The following CTDSP2 variants were observed in gnomAD, a reference collection of about 807,000 sequenced individuals.
The protein encoded by CTDSP2 is carboxy-terminal domain RNA polymerase II polypeptide A small phosphatase 2.
CTDSP2 carries 9 observed loss-of-function variants against 31.6 expected under a neutral mutation model. That is an observed-to-expected ratio of 0.28 (90% CI 0.17 to 0.50). CTDSP2 has a LOEUF of 0.50. Among genes scored for constraint, CTDSP2 ranks in the 20% least tolerant of loss-of-function variants. CTDSP2 has a pLI of 0.98. For synonymous variants in CTDSP2, 134 were observed against 134.5 expected, an observed-to-expected ratio of 1.00 and a Z score of 0.03; for missense variants, 267 against 348.5, an observed-to-expected ratio of 0.77 and a Z score of 1.86.
chr12:57,825,330 G>A lies in CTDSP2; in HGVS notation c.412-1011C>T, dbSNP rs144506463. The stretch of plus-strand genomic sequence containing the variant: ...ACTTCTGTTAGCCTGCCATTCCTTC[G>A]ACCTCCAACAAGCCCCTTCCTCATC... On this transcript the variant is annotated intron_variant, in intron 5 of 7. Coordinates refer to ENST00000398073, the MANE Select transcript of CTDSP2 (RefSeq NM_005730.4). Among the ~76,000 whole-genome samples the A allele has an allele frequency of 3.3e-3, 505 of 152,180 alleles. 2 individuals carry two copies. The highest frequency in any genetic ancestry group is 5.7e-3 in the Admixed American group (87 of 15,282).
Position 57,844,887 on chromosome 12 carries a change from C to T in CTDSP2, c.64+1485G>A, listed in dbSNP as rs1472786405. ...TCCGGCCAGTGATGCAAGAGGAACA[C>T]ACTGCCTCCCTCCCCCCACCCTTCC... On this transcript the variant is annotated intron_variant, in intron 1 of 7. Transcript: ENST00000398073. 2.6e-5 allele frequency among the ~76,000 whole-genome samples: 4 copies of T among 151,900 alleles called. No individual in the cohort carries two copies. The South Asian group carries it at 6.3e-4, about 24-fold the overall frequency.
At chr12:57,829,258 G>A (rs1043121094) in intron 2 of CTDSP2, among the ~76,000 whole-genome samples, 190 bp downstream of exon 2, 6 of 152,158 alleles carry the variant, frequency 3.9e-5, no homozygotes, top group African/African-American at 1.2e-4. Flanking sequence ...CATGTGAATG[G>A]CCCACACCGC....
intron 1 of CTDSP2, among the ~76,000 whole-genome samples, chr12:57,834,051 T>C (rs1311402463): frequency 6.6e-6 from 1 of 152,230 alleles, no homozygotes; most frequent in Non-Finnish European, 1.5e-5. Flanking sequence ...TGAACTCAGA[T>C]CTGCCTGAAC....
chr12:57,827,427 T>TAAG lies in CTDSP2; in HGVS notation c.252+124_252+125insCTT. The TAAG allele has an allele frequency of 2.9e-6, 3 of 1,045,162 alleles. No homozygotes were observed. In the South Asian group the frequency reaches 4.0e-5, roughly 14 times the overall value. The allele number at this position is 1,045,162 out of a possible 1,614,324, so 64.7% of individuals were successfully genotyped here. ...GCCCTCAACAAGTATGGGGAACAAA[T>TAAG]GGCTTCCCAGGTCAGGGAGGTGGCT... On this transcript the variant is annotated intron_variant, in intron 3 of 7. Transcript: ENST00000398073.
In CTDSP2 at chr12:57,846,412, G is replaced by T; in HGVS notation, c.24C>A (p.Thr8=). MEHGSII[T]QARREDALVL... is the part of the protein sequence containing the mutation. ...CCAGGGCGTCTTCCCTCCGCGCCTG[G>T]GTGATGATGGAGCCGTGTTCCATCT... Residue 8 remains threonine (T), a synonymous_variant, in exon 1 of 8, where the codon ACC becomes ACA. Coordinates refer to ENST00000398073, the MANE Select transcript of CTDSP2 (RefSeq NM_005730.4). 2 of 1,607,778 alleles carry T rather than the reference G, an allele frequency of 1.2e-6. No homozygotes were observed. The highest frequency in any genetic ancestry group is 1.7e-6 in the Non-Finnish European group (2 of 1,177,440).
At position 57,823,975 on chromosome 12, in the gene CTDSP2, C is replaced by T; in HGVS notation, c.619G>A (p.Gly207Arg). The part of the protein sequence containing the change: ...GCYVKDLSRL[G>R]RDLRKTLILD... ...ATGAGGGTCTTTCTCAGGTCCCTCC[C>T]CAGGCGGCTGAGGTCCTTGACGTAG... Residue 207 changes from glycine to arginine, a missense_variant, in exon 7 of 8, where the codon GGG (glycine) becomes AGG (arginine). Around this residue, in one of 2 missense-constraint regions of CTDSP2, gnomAD observed 156 missense variants for 241.3 expected, o/e 0.65. Coordinates refer to ENST00000398073, the MANE Select transcript of CTDSP2 (RefSeq NM_005730.4). 2 of 1,614,150 alleles carry T rather than the reference C, an allele frequency of 1.2e-6. No homozygotes were observed. Among genetic ancestry groups the T allele is most frequent in the Non-Finnish European group, 1.7e-6 (2 of 1,180,008 alleles).
At chr12:57,837,793 C>T (rs988888611) in intron 1 of CTDSP2, among the ~76,000 whole-genome samples, 1 of 152,188 alleles carries the variant, frequency 6.6e-6, no homozygotes, top group Non-Finnish European at 1.5e-5. Flanking sequence ...CCTCTCTGCA[C>T]CAGCAACTGG....
chr12:57,834,770 G>A (rs1341669571), intron 1 of CTDSP2, among the ~76,000 whole-genome samples: 1 of 152,180 alleles, frequency 6.6e-6, no homozygotes, highest in Non-Finnish European at 1.5e-5. Context: ...TCCAGGAGAG[G>A]AACACTGGGC....
chr12:57,827,683 T>A (rs1956191686), intron 2 of CTDSP2, 93 bp from the exon 3 acceptor site: 2 of 1,306,290 alleles, frequency 1.5e-6, no homozygotes, highest in East Asian at 4.9e-5. Context: ...GAGGGCAACT[T>A]TCTCCCCCAG....
intron 2 of CTDSP2, 36 bp from the exon 3 acceptor site, chr12:57,827,626 C>T: frequency 6.2e-7 from 1 of 1,600,924 alleles, no homozygotes; most frequent in African/African-American, 1.3e-5. Flanking sequence ...TGCCATCTCA[C>T]TGCCTTTCCC....
chr12:57,826,953 A>G (rs751044120), intron 4 of CTDSP2, 43 bp downstream of exon 4: 1 of 1,431,582 alleles, frequency 7.0e-7, no homozygotes, highest in Admixed American at 1.7e-5. Flanking sequence ...ATTCACAAGA[A>G]GGCCCAAGAT....
chr12:57,836,991 C>T (rs78194203), intron 1 of CTDSP2: 1 of 152,258 alleles, frequency 6.6e-6, no homozygotes, highest in African/African-American at 2.4e-5. Context: ...TAAAATGGCC[C>T]CTCTGAGGGG....
At chr12:57,835,893 T>G (rs146417468) in intron 1 of CTDSP2, among the ~76,000 whole-genome samples, 1 of 152,342 alleles carries the variant, frequency 6.6e-6, no homozygotes, top group East Asian at 1.9e-4. Context: ...TTTTGGAGCC[T>G]TAGTTTCCTC....
At chr12:57,832,462 C>A (rs909999687) in intron 1 of CTDSP2, among the ~76,000 whole-genome samples, 1 of 152,034 alleles carries the variant, frequency 6.6e-6, no homozygotes, top group Admixed American at 6.6e-5. Flanking sequence ...TCAAGACCAG[C>A]CTGGGCAACA....
chr12:57,845,446 G>A (rs1462879862), intron 1 of CTDSP2: 1 of 152,090 alleles, frequency 6.6e-6, no homozygotes, highest in Non-Finnish European at 1.5e-5. Flanking sequence ...TCACCCCCGC[G>A]AGGGCCTGCG....
intron 1 of CTDSP2, among the ~76,000 whole-genome samples, chr12:57,844,472 C>G (rs532615696): frequency 6.6e-6 from 1 of 152,278 alleles, no homozygotes; most frequent in Non-Finnish European, 1.5e-5. Context: ...ACACTCCCTG[C>G]AAGAGAGTCC....
At position 57,821,375 on chromosome 12, in the gene CTDSP2, G is replaced by A. The variant is rs1956143912; in HGVS notation, c.*2227C>T. ...GCTTTGGTCATGGGTCCCACGCCAA[G>A]CACTTGGACAAGTCTGTTAGGAAAG... On this transcript the variant is annotated 3_prime_UTR_variant, in exon 8 of 8. Transcript: ENST00000398073. The A allele has an allele frequency of 6.6e-6, 1 of 152,592 alleles. No homozygotes were observed. Among genetic ancestry groups the A allele is most frequent in the South Asian group, 2.1e-4 (1 of 4,834 alleles). The allele number at this position is 152,592 out of a possible 1,614,324, so 9.5% of individuals were successfully genotyped here.
Position 57,827,890 on chromosome 12 carries a change from G to A in CTDSP2, c.214-300C>T, listed in dbSNP as rs73340240. Among the ~76,000 whole-genome samples the A allele has an allele frequency of 9.5e-3, 1,441 of 152,240 alleles. 25 individuals carry two copies. The highest frequency in any genetic ancestry group is 0.034 in the African/African-American group (1,400 of 41,550). On this transcript the variant is annotated intron_variant, in intron 2 of 7. Coordinates refer to ENST00000398073, the MANE Select transcript of CTDSP2 (RefSeq NM_005730.4). ...AGGGAACTCAAGTAACTGATTCAGG[G>A]ACACAGAGTCAGAGGCAGAACCAAA... is the stretch of plus-strand genomic sequence containing the variant.
chr12:57,832,807 AAAAAAAAAAAAGG>A, intron 1 of CTDSP2, among the ~76,000 whole-genome samples: 1 of 149,178 alleles, frequency 6.7e-6, no homozygotes, highest in African/African-American at 2.5e-5. Context: ...AAAAAAAAAA[AAAAAAAAAAAAGG>A]AAAAGAAAAA....
Sources: allele counts gnomAD v4.1 joint callset (sites outside exome capture counted in the v4.1 genomes callset), GRCh38; gene constraint gnomAD v4.1.1; regional missense constraint gnomAD v4.1.1; transcripts MANE v1.5; gene names NCBI Gene and HGNC (gene_info 2026-07-23, HGNC 2026-07-21).